ROR2: variants seen among roughly 807,000 people sequenced by gnomAD.
ROR2 encodes ROR family WNT receptor 2.
A neutral mutation model predicts 74.9 loss-of-function variants in ROR2; 33 were observed. That is an observed-to-expected ratio of 0.44 (90% confidence interval 0.33 to 0.59). ROR2 has a LOEUF of 0.59. Among genes scored for constraint, ROR2 ranks in the 20% least tolerant of loss-of-function variants. ROR2 has a pLI of 0.02. For synonymous variants in ROR2, 586 were observed against 558.7 expected (o/e 1.05, Z -0.69); for missense variants, 1,216 against 1,313.8 (o/e 0.93, Z 1.15).
At chr9:91,778,467 T>G (rs199989497) in intron 1 of ROR2, among the ~76,000 whole-genome samples, 1 of 152,212 alleles carries the variant, frequency 6.6e-6, no homozygotes, top group East Asian at 1.9e-4. Context: ...CAGGCACCCT[T>G]GCACCCCAGC....
At chr9:91,925,771 T>C (rs978845971) in intron 1 of ROR2, among the ~76,000 whole-genome samples, 7 of 152,100 alleles carry the variant, frequency 4.6e-5, no homozygotes, top group Non-Finnish European at 7.4e-5. Context: ...TACCCTTTCA[T>C]TGCACAGAAT....
In ROR2 at chr9:91,908,596, C is replaced by T. The variant is rs374768442; in HGVS notation, c.97+41271G>A. ...GATGTTTACATAAAATCAAGGAATA[C>T]GCCATTACCAGTGGGAAATAAACAA... On this transcript the variant is annotated intron_variant, in intron 1 of 8. Coordinates refer to ENST00000375708, the MANE Select transcript of ROR2 (RefSeq NM_004560.4). Among the ~76,000 whole-genome samples, 4 of 152,022 alleles carry T rather than the reference C, an allele frequency of 2.6e-5. No homozygotes were observed. The East Asian group carries it at 5.8e-4, about 22-fold the overall frequency.
At position 91,935,083 on chromosome 9, in the gene ROR2, C is replaced by A. The variant is rs1831647653; in HGVS notation, c.97+14784G>T. Among the ~76,000 whole-genome samples the A allele has an allele frequency of 2.0e-5, 3 of 152,138 alleles. No individual in the cohort carries two copies. In the South Asian group the frequency reaches 6.2e-4, roughly 32 times the overall value. On this transcript the variant is annotated intron_variant, in intron 1 of 8. Transcript: ENST00000375708. ...TTCAATCTAAAGCATCCACTAGGATCCATCTGTGAAAAGTCACCTTCCAGT... is the reference window on the plus strand; with the variant it reads ...TTCAATCTAAAGCATCCACTAGGATACATCTGTGAAAAGTCACCTTCCAGT...
intron 1 of ROR2, among the ~76,000 whole-genome samples, chr9:91,782,092 C>T (rs1437515368): frequency 6.6e-6 from 1 of 152,250 alleles, no homozygotes; most frequent in Admixed American, 6.5e-5. Flanking sequence ...CAGCGGTGAG[C>T]CTGGCCGGGC....
chr9:91,793,676 T>C (rs1201621745), intron 1 of ROR2, among the ~76,000 whole-genome samples: 4 of 150,872 alleles, frequency 2.7e-5, no homozygotes, highest in Non-Finnish European at 2.9e-5. Flanking sequence ...GCAGGAGAAT[T>C]GCCTGAACCT....
intron 5 of ROR2, among the ~76,000 whole-genome samples, chr9:91,734,160 T>G (rs979202342): frequency 6.6e-6 from 1 of 151,978 alleles, no homozygotes; most frequent in Non-Finnish European, 1.5e-5. Flanking sequence ...GTGGGGGTGT[T>G]GGGGAGAGAT....
rs140634579 is a variant in ROR2 at position 91,858,604 on chromosome 9, G to A, written c.98-82786C>T. ...GCTACAATTTGAGAACTGCTAGGGC[G>A]GCTCATTAACGTGGAGGCAAAGTAA... On this transcript the variant is annotated intron_variant, in intron 1 of 8. Transcript: ENST00000375708. Among the ~76,000 whole-genome samples the A allele has an allele frequency of 2.9e-3, 448 of 152,300 alleles. 1 individual carries two copies. Among genetic ancestry groups the A allele is most frequent in the African/African-American group, 9.9e-3 (412 of 41,558 alleles).
chr9:91,825,607 G>A (rs761943222), intron 1 of ROR2, among the ~76,000 whole-genome samples: 3 of 152,074 alleles, frequency 2.0e-5, no homozygotes, highest in Non-Finnish European at 4.4e-5. Flanking sequence ...TCGGGATGCC[G>A]GGAGAGAACA....
chr9:91,819,950 G>C (rs1213435062), intron 1 of ROR2, among the ~76,000 whole-genome samples: 3 of 151,918 alleles, frequency 2.0e-5, no homozygotes, highest in Non-Finnish European at 1.5e-5. Context: ...CTCTGAGTGT[G>C]TATGTGTCTG....
chr9:91,820,826 T>A lies in ROR2; in HGVS notation c.98-45008A>T, dbSNP rs536444410. 3.4e-4 allele frequency among the ~76,000 whole-genome samples: 51 copies of A among 152,168 alleles called. No homozygotes were observed. In the South Asian group the frequency reaches 0.011, roughly 32 times the overall value. ...TATAAGAAGGGGAGGTCAGGCCAGG[T>A]GTGGTGGCTCACTCACTGTAATCCC... is the stretch of plus-strand genomic sequence containing the variant. On this transcript the variant is annotated intron_variant, in intron 1 of 8. Coordinates refer to ENST00000375708, the MANE Select transcript of ROR2 (RefSeq NM_004560.4).
intron 4 of ROR2, among the ~76,000 whole-genome samples, chr9:91,742,538 G>T (rs1209147835): frequency 6.6e-6 from 1 of 152,240 alleles, no homozygotes; most frequent in African/African-American, 2.4e-5. Context: ...TACAATAAAA[G>T]ATTCATTGGA....
chr9:91,724,726 G>A lies in ROR2; in HGVS notation c.1768C>T (p.Pro590Ser), dbSNP rs770920747. 2 of 1,614,164 alleles carry A rather than the reference G, an allele frequency of 1.2e-6. No homozygotes were observed. The highest frequency in any genetic ancestry group is 2.2e-5 in the East Asian group (1 of 44,878). The change falls in exon 9 of 9, where the codon CCC becomes TCC. Residue 590 changes from proline to serine, a missense_variant. Coordinates refer to ENST00000375708, the MANE Select transcript of ROR2 (RefSeq NM_004560.4). ...TGTGCCACAAGGTGCACGAAGTCGG[G>A]GGGCTCCAGGGCGGACTTCACCGTG... is the stretch of plus-strand genomic sequence containing the variant. ...DRTVKSALEP[P>S]DFVHLVAQIA...
chr9:91,860,890 C>T (rs1393074285), intron 1 of ROR2, among the ~76,000 whole-genome samples: 8 of 152,166 alleles, frequency 5.3e-5, no homozygotes, highest in African/African-American at 1.4e-4. Context: ...GTCTAGCGGA[C>T]ACCTAAAATT....
At chr9:91,795,234 CAG>C (rs1446479752) in intron 1 of ROR2, among the ~76,000 whole-genome samples, 2 of 152,292 alleles carry the variant, frequency 1.3e-5, no homozygotes, top group African/African-American at 2.4e-5. Flanking sequence ...TAATATGAGA[CAG>C]AGTCTTTACA....
intron 1 of ROR2, among the ~76,000 whole-genome samples, chr9:91,817,927 C>A (rs1184605211): frequency 1.3e-5 from 2 of 152,058 alleles, no homozygotes; most frequent in Non-Finnish European, 2.9e-5. Context: ...CTGTTCCAGA[C>A]GATCTGAAAA....
chr9:91,747,704 C>CTTTG (rs5899141), intron 4 of ROR2, among the ~76,000 whole-genome samples: 118,151 of 151,712 alleles, frequency 0.78, 46,144 homozygotes, highest in African/African-American at 0.85. Context: ...TCTCTCCTAT[C>CTTTG]TTTGGTTAAG....
At position 91,724,061 on chromosome 9, in the gene ROR2, C is replaced by A; in HGVS notation, c.2433G>T (p.Met811Ile). The A allele has an allele frequency of 1.2e-6, 2 of 1,610,898 alleles. 1 individual carries two copies. The highest frequency in any genetic ancestry group is 2.2e-5 in the South Asian group (2 of 91,030). Residue 811 changes from methionine (M) to isoleucine (I), a missense_variant, in exon 9 of 9, where the codon ATG (methionine) becomes ATT (isoleucine). Physicochemically the swap from Met to Ile is conservative, Grantham distance 10. Coordinates refer to ENST00000375708, the MANE Select transcript of ROR2 (RefSeq NM_004560.4). ...GGACGTAGAGCTGCGGCGGGGGCAC[C>A]ATGGGTCTGATCTGGCCCTTCATGG... ...FIPMKGQIRP[M>I]VPPPQLYVPV...
At chr9:91,928,805 C>T (rs1395884904) in intron 1 of ROR2, among the ~76,000 whole-genome samples, 2 of 152,218 alleles carry the variant, frequency 1.3e-5, no homozygotes, top group African/African-American at 2.4e-5. Context: ...GGAGGACCCC[C>T]GTTCAGTGGT....
intron 1 of ROR2, among the ~76,000 whole-genome samples, chr9:91,892,590 CTTTTTT>C (rs547073635): frequency 9.5e-6 from 1 of 105,468 alleles, no homozygotes; most frequent in African/African-American, 3.9e-5. Flanking sequence ...CTTTTCTTTT[CTTTTTT>C]TTTTTTTTTT....
Sources: gnomAD v4.1 joint callset for allele counts (sites outside exome capture counted in the v4.1 genomes callset) on GRCh38, gnomAD v4.1.1 for gene constraint, MANE v1.5 for transcripts, NCBI Gene and HGNC (gene_info 2026-07-23, HGNC 2026-07-21) for gene names.